Variants in NLN observed in about 807,000 individuals in gnomAD.
The protein encoded by NLN is neurolysin.
In NLN, 64 loss-of-function variants were observed where a neutral mutation model predicts 79.9. The ratio of observed to expected loss-of-function variants is 0.80; its 90% confidence interval spans 0.65 to 0.99. The LOEUF (loss-of-function observed/expected upper bound fraction) is 0.99, where lower values mean the gene tolerates loss of function less well. Ranked by LOEUF, NLN falls within the 50% of genes least tolerant of loss-of-function variation. NLN has a pLI of 0.00. For synonymous variants in NLN, 267 were observed against 296.6 expected, an observed-to-expected ratio of 0.90 and a Z score of 1.02; for missense variants, 835 against 858.7, an observed-to-expected ratio of 0.97 and a Z score of 0.34.
At chr5:65,787,254 ATGTG>A (rs146242783) in intron 7 of NLN, among the ~76,000 whole-genome samples, 5 of 149,048 alleles carry the variant, frequency 3.4e-5, no homozygotes, top group South Asian at 2.1e-4. Context: ...ATATATATGT[ATGTG>A]TGTGTGTGTG....
chr5:65,782,641 A>G (rs370166039), intron 6 of NLN, among the ~76,000 whole-genome samples: 1 of 152,196 alleles, frequency 6.6e-6, no homozygotes, highest in Non-Finnish European at 1.5e-5. Flanking sequence ...TTCTCTTAAC[A>G]CTAGGAACAC....
At chr5:65,731,764 TTTTTCAGACAG>T (rs1758615747) in intron 1 of NLN, among the ~76,000 whole-genome samples, 1 of 136,526 alleles carries the variant, frequency 7.3e-6, no homozygotes, top group Non-Finnish European at 1.5e-5. Context: ...TTTTTTTTTT[TTTTTCAGACAG>T]AGTCTAGCTC....
intron 1 of NLN, among the ~76,000 whole-genome samples, chr5:65,747,021 A>T (rs1420278143): frequency 1.3e-5 from 2 of 152,078 alleles, no homozygotes; most frequent in Non-Finnish European, 2.9e-5. Flanking sequence ...AAAAAAAAAA[A>T]AGATTTTGCT....
rs1398158104 is a variant in NLN, at chr5:65,759,398, G to A, written c.301+572G>A. ...TTGAACCTATAGGGTGTGTGTGTGTGTCTGTGTGTGTGTGTGTGTAAGTAT... is the reference window on the plus strand; with the variant it reads ...TTGAACCTATAGGGTGTGTGTGTGTATCTGTGTGTGTGTGTGTGTAAGTAT... On this transcript the variant is annotated intron_variant, in intron 2 of 12. Coordinates refer to ENST00000380985, the MANE Select transcript of NLN (RefSeq NM_020726.5). Among the ~76,000 whole-genome samples, 7 of 99,740 alleles carry A rather than the reference G, an allele frequency of 7.0e-5. No homozygotes were observed. The South Asian group carries it at 2.0e-3, about 29-fold the overall frequency. The allele number at this position is 99,740 out of a possible 152,430, so 65.4% of individuals were successfully genotyped here.
At position 65,763,697 on chromosome 5, in the gene NLN, C is replaced by CT. The variant is rs199850136; in HGVS notation, c.450+598dup. On this transcript the variant is annotated intron_variant, in intron 3 of 12. Transcript: ENST00000380985. Reference sequence around the variant, plus strand: ...AAAAAAACAGTTTCAAAATTCCAGGCTTTTTTTTTGTTTAATTTTGCATGT... The same window carrying CT: ...AAAAAAACAGTTTCAAAATTCCAGGCTTTTTTTTTTGTTTAATTTTGCATGT... Among the ~76,000 whole-genome samples the CT allele has an allele frequency of 1.8e-3, 268 of 150,344 alleles. 5 individuals are homozygous for CT. In the East Asian group the frequency reaches 0.044, roughly 25 times the overall value.
At chr5:65,777,840 A>G (rs1252577642) in intron 4 of NLN, among the ~76,000 whole-genome samples, 1 of 152,246 alleles carries the variant, frequency 6.6e-6, no homozygotes, top group Non-Finnish European at 1.5e-5. Context: ...ATAGGGAAAC[A>G]GATGGGTTGT....
Position 65,812,376 on chromosome 5 carries a change from G to A in NLN, c.1965G>A (p.Gly655=), listed in dbSNP as rs1291245901. The A allele has an allele frequency of 6.4e-7, 1 of 1,553,042 alleles. No homozygotes were observed. The highest frequency in any genetic ancestry group is 1.4e-5 in the African/African-American group (1 of 73,280). The change falls in exon 12 of 13, where the codon GGG becomes GGA. Residue 655 remains glycine, a synonymous_variant. Coordinates refer to ENST00000380985, the MANE Select transcript of NLN (RefSeq NM_020726.5). ...TTTACAGCTGTTTTAAAAAAGAAGG[G>A]ATAATGAATCCAGAGGTATAGTATT... ...DMFYSCFKKE[G]IMNPEVGMKY...
At chr5:65,745,104 T>C (rs773318823) in intron 1 of NLN, among the ~76,000 whole-genome samples, 1 of 152,154 alleles carries the variant, frequency 6.6e-6, no homozygotes, top group Non-Finnish European at 1.5e-5. Flanking sequence ...TTTTACTCTT[T>C]GAGAACAGGT....
In NLN at chr5:65,820,716, G is replaced by GTTTT. The variant is rs71774741; in HGVS notation, c.1981-2059_1981-2056dup. Among the ~76,000 whole-genome samples the GTTTT allele has an allele frequency of 2.4e-3, 312 of 129,090 alleles. 1 individual carries two copies. The highest frequency in any genetic ancestry group is 3.6e-3 in the Non-Finnish European group (203 of 56,500). 84.7% of individuals were successfully genotyped at this position (129,090 alleles called of 152,430 possible). On this transcript the variant is annotated intron_variant, in intron 12 of 12. Coordinates refer to ENST00000380985, the MANE Select transcript of NLN (RefSeq NM_020726.5). ...CTGCAGAACAGGCAAGAAATGACAT[G>GTTTT]TTTTTTTTTGTTTGTTTGTTTGTTT...
rs1391661896 is a variant in NLN at position 65,726,225 on chromosome 5, AT to A, written c.41+3812del. Among the ~76,000 whole-genome samples the A allele has an allele frequency of 7.2e-5, 11 of 152,196 alleles. 1 individual carries two copies. The East Asian group carries it at 2.1e-3, about 29-fold the overall frequency. On this transcript the variant is annotated intron_variant, in intron 1 of 12. Transcript: ENST00000380985. ...CAACCAAATCCTCAGGACAACCCTT[AT>A]ACTCAGGTACACAGCAGAAATGCTT...
At chr5:65,811,683 G>C (rs551499611) in intron 11 of NLN, among the ~76,000 whole-genome samples, 1 of 151,944 alleles carries the variant, frequency 6.6e-6, no homozygotes, top group Non-Finnish European at 1.5e-5. Context: ...ATTAGCCGGC[G>C]TGGTGGCATG....
Position 65,810,306 on chromosome 5 carries a change from C to T in NLN, c.1843+141C>T, listed in dbSNP as rs996719699. 5 of 736,768 alleles carry T rather than the reference C, an allele frequency of 6.8e-6. No homozygotes were observed. In the African/African-American group the frequency reaches 7.0e-5, roughly 10 times the overall value. The allele number at this position is 736,768 out of a possible 1,614,324, so 45.6% of individuals were successfully genotyped here. A position where few individuals can be genotyped will look rare whatever the true frequency, so the allele number is the denominator to read the frequency against. ...AATCAGGCCATGACTTTCAGATAAG[C>T]ATACTATGTCCTTATGAGTTATCCC... On this transcript the variant is annotated intron_variant, in intron 11 of 12. Coordinates refer to ENST00000380985, the MANE Select transcript of NLN (RefSeq NM_020726.5).
intron 9 of NLN, among the ~76,000 whole-genome samples, chr5:65,798,431 G>A (rs1475531883): frequency 6.6e-6 from 1 of 152,140 alleles, no homozygotes; most frequent in African/African-American, 2.4e-5. Flanking sequence ...CTTCTCCTAA[G>A]TTTATTAAAT....
chr5:65,813,795 G>T (rs1760608265), intron 12 of NLN, among the ~76,000 whole-genome samples: 1 of 152,074 alleles, frequency 6.6e-6, no homozygotes, highest in Admixed American at 6.5e-5. Flanking sequence ...AGGTGTGGTG[G>T]TAGAAGCCTA....
At chr5:65,758,545 T>C (rs1759269370) in intron 1 of NLN, 22 bp from the exon 2 acceptor site, 3 of 1,572,694 alleles carry the variant, frequency 1.9e-6, no homozygotes, top group African/African-American at 1.4e-5. Context: ...CTAATTCTTA[T>C]TCTTTTTCTG....
At position 65,763,097 on chromosome 5, in the gene NLN, G is replaced by C; in HGVS notation, c.439G>C (p.Val147Leu). The C allele has an allele frequency of 6.2e-7, 1 of 1,613,436 alleles. No individual in the cohort carries two copies. The change falls in exon 3 of 13, where the codon GTT becomes CTT. Residue 147 changes from valine to leucine, a missense_variant. By Grantham distance (32) the Val-to-Leu change is conservative. Coordinates refer to ENST00000380985, the MANE Select transcript of NLN (RefSeq NM_020726.5). ...GAGAGGAGATATATTTGAGAGAATT[G>C]TTCATTTACAGGTAAGTGGTGTTAT... is the stretch of plus-strand genomic sequence containing the variant. ...SMRGDIFERI[V>L]HLQETCDLGK...
chr5:65,813,810 C>T (rs924941687), intron 12 of NLN, among the ~76,000 whole-genome samples: 2 of 151,914 alleles, frequency 1.3e-5, no homozygotes, highest in African/African-American at 2.4e-5. Flanking sequence ...AGCCTATAGC[C>T]CCAGCTACTC....
intron 1 of NLN, among the ~76,000 whole-genome samples, chr5:65,748,472 G>C (rs1357927061): frequency 1.3e-5 from 2 of 151,850 alleles, no homozygotes; most frequent in East Asian, 3.9e-4. Context: ...TTAAGGAAGT[G>C]ATGTTGGCTG....
intron 3 of NLN, among the ~76,000 whole-genome samples, chr5:65,768,877 T>A (rs1324438950): frequency 1.3e-5 from 2 of 152,164 alleles, no homozygotes; most frequent in African/African-American, 4.8e-5. Flanking sequence ...CATTTAACCT[T>A]AATTACCTGC....
Sources: gnomAD v4.1 joint callset for allele counts (sites outside exome capture counted in the v4.1 genomes callset) on GRCh38, gnomAD v4.1.1 for gene constraint, MANE v1.5 for transcripts, NCBI Gene and HGNC (gene_info 2026-07-23, HGNC 2026-07-21) for gene names.